SLC43A2: variants seen among roughly 807,000 people sequenced by gnomAD.
SLC43A2 encodes large neutral amino acids transporter small subunit 4.
In SLC43A2, 38 loss-of-function variants were observed where a neutral mutation model predicts 63.2. That is an observed-to-expected ratio of 0.60 (90% CI 0.46 to 0.79). The LOEUF is 0.79. Ranked by LOEUF, SLC43A2 falls within the 30% of genes least tolerant of loss-of-function variation. SLC43A2 has a pLI of 0.00. For synonymous variants in SLC43A2, 322 were observed against 331.0 expected (o/e 0.97, Z 0.30); for missense variants, 644 against 756.2 (o/e 0.85, Z 1.74).
intron 9 of SLC43A2, chr17:1,586,930 C>CCCCCCCCCCCCCCGA: frequency 1.3e-6 from 1 of 783,190 alleles, no homozygotes; most frequent in Non-Finnish European, 2.0e-6. Flanking sequence ...CCTGACAATC[C>CCCCCCCCCCCCCCGA]CCCCCACCCC....
intron 10 of SLC43A2, chr17:1,585,099 A>G (rs1166663705): frequency 4.3e-6 from 4 of 923,902 alleles, no homozygotes; most frequent in Non-Finnish European, 5.2e-6. Context: ...TGTTAATCCC[A>G]GTACTTTGGG....
chr17:1,609,353 C>T (rs1269169882), intron 5 of SLC43A2, among the ~76,000 whole-genome samples: 1 of 152,168 alleles, frequency 6.6e-6, no homozygotes, highest in East Asian at 1.9e-4. Context: ...AGGCGCCCTC[C>T]ACCAAGCCCA....
At chr17:1,612,653 G>T (rs373422900) in intron 5 of SLC43A2, among the ~76,000 whole-genome samples, 1 of 152,346 alleles carries the variant, frequency 6.6e-6, no homozygotes. Flanking sequence ...AGCTGCTTCC[G>T]CAGCATCAAA....
rs553851048 is a variant in SLC43A2, at chr17:1,588,657, C to A, written c.1078+2145G>T. Among the ~76,000 whole-genome samples the A allele has an allele frequency of 3.4e-5, 5 of 146,654 alleles. No homozygotes were observed. The East Asian group carries it at 9.9e-4, about 29-fold the overall frequency. On this transcript the variant is annotated intron_variant, in intron 9 of 13. Transcript: ENST00000301335. Reference sequence around the variant, plus strand: ...GGCCGTGGTGAGCTATCAGTTGCACCACTGCACTCCAGCCTGGGTGGCAGA... The same window carrying A: ...GGCCGTGGTGAGCTATCAGTTGCACAACTGCACTCCAGCCTGGGTGGCAGA...
intron 10 of SLC43A2, among the ~76,000 whole-genome samples, chr17:1,584,448 G>A (rs1036682929): frequency 7.2e-5 from 11 of 152,134 alleles, no homozygotes; most frequent in African/African-American, 2.4e-4. Flanking sequence ...CTGAGATACT[G>A]TGCATGGAGT....
intron 2 of SLC43A2, among the ~76,000 whole-genome samples, chr17:1,627,358 A>C (rs1598503931): frequency 6.6e-6 from 1 of 152,092 alleles, no homozygotes; most frequent in Non-Finnish European, 1.5e-5. Flanking sequence ...AGACAGCAAC[A>C]TGTTTACTAC....
intron 5 of SLC43A2, among the ~76,000 whole-genome samples, chr17:1,594,086 A>G (rs1292064832): frequency 6.6e-6 from 1 of 152,036 alleles, no homozygotes; most frequent in Non-Finnish European, 1.5e-5. Context: ...CGGCCTCCCA[A>G]AGTGCTGGGA....
In SLC43A2 at chr17:1,613,386, C is replaced by T. The variant is rs979406927; in HGVS notation, c.425-115G>A. 23 of 842,282 alleles carry T rather than the reference C, an allele frequency of 2.7e-5. 1 individual carries two copies. The highest frequency in any genetic ancestry group is 2.1e-4 in the South Asian group (14 of 68,130). The allele number at this position is 842,282 out of a possible 1,614,324, so 52.2% of individuals were successfully genotyped here. On this transcript the variant is annotated intron_variant, in intron 4 of 13. Transcript: ENST00000301335. ...CCCAGTAAATCCAGTAAACGCAGGC[C>T]GGGGTTAGTACCTGACATCTGGGGA...
chr17:1,596,834 TATGGAAAG>T (rs1240946292), intron 5 of SLC43A2, among the ~76,000 whole-genome samples: 5 of 152,280 alleles, frequency 3.3e-5, no homozygotes, highest in Non-Finnish European at 5.9e-5. Context: ...CCAATAAGCA[TATGGAAAG>T]ATGCTCAACA....
rs770593094 is a variant in SLC43A2 at position 1,585,858 on chromosome 17, G to A, written c.1217+55C>T. ...CCTGTGCCTGACATGCAGCTCTGGGGTCTTTCTGCAGGGGCTGCGGGCTGG... is the reference window on the plus strand; with the variant it reads ...CCTGTGCCTGACATGCAGCTCTGGGATCTTTCTGCAGGGGCTGCGGGCTGG... On this transcript the variant is annotated intron_variant, in intron 10 of 13. Coordinates refer to ENST00000301335, the MANE Select transcript of SLC43A2 (RefSeq NM_152346.3). 42 of 1,611,512 alleles carry A rather than the reference G, an allele frequency of 2.6e-5. No individual in the cohort carries two copies. In the Admixed American group the frequency reaches 6.7e-4, roughly 26 times the overall value.
At chr17:1,581,820 T>A (rs2076018915) in intron 11 of SLC43A2, among the ~76,000 whole-genome samples, 1 of 151,920 alleles carries the variant, frequency 6.6e-6, no homozygotes, top group African/African-American at 2.4e-5. Flanking sequence ...TTTTTTTTTT[T>A]TTTGAGACAC....
chr17:1,585,398 C>G (rs2151036634), intron 10 of SLC43A2: 1 of 357,064 alleles, frequency 2.8e-6, no homozygotes, highest in African/African-American at 2.1e-5. Flanking sequence ...CGCGCCGCCA[C>G]CGCACCTGGC....
rs868644161 is a variant in SLC43A2, at chr17:1,570,509, C to T, written c.*5095G>A. The T allele has an allele frequency of 8.7e-4, 123 of 141,154 alleles. 1 individual carries two copies. Among genetic ancestry groups the T allele is most frequent in the African/African-American group, 3.1e-3 (115 of 37,284 alleles). 8.7% of individuals were successfully genotyped at this position (141,154 alleles called of 1,614,324 possible). Reference sequence around the variant, plus strand: ...ATTGTTTTTTTTTTTTTTTTTGAGACGGAGTCTCGCTCTGTCGCCCAGGCT... The same window carrying T: ...ATTGTTTTTTTTTTTTTTTTTGAGATGGAGTCTCGCTCTGTCGCCCAGGCT... On this transcript the variant is annotated 3_prime_UTR_variant, in exon 14 of 14. Coordinates refer to ENST00000301335, the MANE Select transcript of SLC43A2 (RefSeq NM_152346.3).
intron 3 of SLC43A2, 116 bp downstream of exon 3, chr17:1,616,446 T>G (rs1907670280): frequency 9.7e-7 from 1 of 1,035,528 alleles, no homozygotes; most frequent in Non-Finnish European, 1.4e-6. Context: ...TGGAGGGCCT[T>G]CAGGGAGCTC....
intron 11 of SLC43A2, among the ~76,000 whole-genome samples, chr17:1,581,814 T>C (rs1264748860): frequency 1.3e-5 from 2 of 151,876 alleles, no homozygotes; most frequent in Non-Finnish European, 2.9e-5. Context: ...CAGTTTTTTT[T>C]TTTTTTTTTG....
In SLC43A2 at chr17:1,570,049, A is replaced by C. The variant is rs1360144201; in HGVS notation, c.*5555T>G. On this transcript the variant is annotated 3_prime_UTR_variant, in exon 14 of 14. Transcript: ENST00000301335. ...ACTACAGGTACCCACCACCACGCCC[A>C]GCTAATTTTTTTTTTTCGTATTTTT... The C allele has an allele frequency of 8.0e-6, 1 of 125,364 alleles. No homozygotes were observed. The highest frequency in any genetic ancestry group is 1.8e-5 in the Non-Finnish European group (1 of 57,058). 7.8% of individuals were successfully genotyped at this position (125,364 alleles called of 1,614,324 possible).
intron 2 of SLC43A2, among the ~76,000 whole-genome samples, chr17:1,621,011 G>A (rs562080015): frequency 6.6e-6 from 1 of 152,252 alleles, no homozygotes; most frequent in South Asian, 2.1e-4. Context: ...GGCCAGAAGT[G>A]GCCCAGCCCA....
Position 1,603,741 on chromosome 17 carries a change from C to T in SLC43A2, c.501+9454G>A, listed in dbSNP as rs539204454. On this transcript the variant is annotated intron_variant, in intron 5 of 13. Coordinates refer to ENST00000301335, the MANE Select transcript of SLC43A2 (RefSeq NM_152346.3). ...CAGAGGTGGCAGTGAGTTGAGATCG[C>T]GCCATTGCACTCCAGTCTGGGCAAC... Among the ~76,000 whole-genome samples, 10 of 152,214 alleles carry T rather than the reference C, an allele frequency of 6.6e-5. No individual in the cohort carries two copies. The East Asian group carries it at 1.7e-3, about 26-fold the overall frequency.
intron 8 of SLC43A2, 126 bp downstream of exon 8, chr17:1,591,143 C>G: frequency 3.7e-6 from 5 of 1,343,906 alleles, no homozygotes; most frequent in Non-Finnish European, 5.0e-6. Flanking sequence ...CCAGGCCTTC[C>G]TGAGCGCCTC....
Sources: allele counts gnomAD v4.1 joint callset (sites outside exome capture counted in the v4.1 genomes callset), GRCh38; gene constraint gnomAD v4.1.1; transcripts MANE v1.5; gene names NCBI Gene and HGNC (gene_info 2026-07-23, HGNC 2026-07-21).